Variants in KIAA0586 observed in about 807,000 individuals in gnomAD.
The protein encoded by KIAA0586 is KIAA0586.
In KIAA0586, 144 loss-of-function variants were observed where a neutral mutation model predicts 169.8. That is an observed-to-expected ratio of 0.85 (90% CI 0.74 to 0.97). The LOEUF (loss-of-function observed/expected upper bound fraction) is 0.97, where lower values mean the gene tolerates loss of function less well. Ranked by LOEUF, KIAA0586 falls within the 50% of genes least tolerant of loss-of-function variation. KIAA0586 has a pLI of 0.00. For synonymous variants in KIAA0586, 625 were observed against 612.4 expected (o/e 1.02, Z -0.30); for missense variants, 1,854 against 1,823.0 (o/e 1.02, Z -0.31).
At chr14:58,430,568 C>A in intron 2 of KIAA0586, 80 bp from the exon 3 acceptor site, 1 of 799,166 alleles carries the variant, frequency 1.3e-6, no homozygotes, top group South Asian at 1.7e-5. Context: ...ACACAGTAGT[C>A]ACATAGCTAG....
chr14:58,504,563 C>G (rs920953638), intron 27 of KIAA0586, among the ~76,000 whole-genome samples: 1 of 152,156 alleles, frequency 6.6e-6, no homozygotes, highest in South Asian at 2.1e-4. Flanking sequence ...TTAGTCTTCT[C>G]TAAAAGTCTG....
At chr14:58,506,098 A>G in intron 27 of KIAA0586, among the ~76,000 whole-genome samples, 1 of 152,146 alleles carries the variant, frequency 6.6e-6, no homozygotes, top group Non-Finnish European at 1.5e-5. Flanking sequence ...CATATACCAT[A>G]TATCAGCAAA....
rs1433622471 is a variant in KIAA0586 at position 58,547,690 on chromosome 14, C to A, written c.4496-91C>A. 4.6e-6 allele frequency: 5 copies of A among 1,075,674 alleles called. No individual in the cohort carries two copies. The East Asian group carries it at 1.2e-4, about 25-fold the overall frequency. 66.6% of individuals were successfully genotyped at this position (1,075,674 alleles called of 1,614,324 possible). On this transcript the variant is annotated intron_variant, in intron 30 of 30. Coordinates refer to ENST00000652326, the MANE Select transcript of KIAA0586 (RefSeq NM_001329943.3). Reference sequence around the variant, plus strand: ...ATCCTTATTTGGAATCCGCGCCCCCCCACCCCAACCTCATATTATTTCGCA... The same window carrying A: ...ATCCTTATTTGGAATCCGCGCCCCCACACCCCAACCTCATATTATTTCGCA...
chr14:58,450,695 A>G lies in KIAA0586; in HGVS notation c.1078A>G (p.Arg360Gly), dbSNP rs932782936. 6.2e-7 allele frequency: 1 copy of G among 1,609,560 alleles called. No individual in the cohort carries two copies. The highest frequency in any genetic ancestry group is 1.1e-5 in the South Asian group (1 of 90,986). Residue 360 changes from arginine to glycine, a missense_variant, in exon 8 of 31, where the codon AGG becomes GGG. By Grantham distance (125) the Arg-to-Gly change is moderately radical. Transcript: ENST00000652326. Reference protein sequence around the residue: ...PVSRDDELSKRENLLEEKENM... With the variant: ...PVSRDDELSKGENLLEEKENM... Reference sequence around the variant, plus strand: ...TTCAAGGGATGATGAACTATCAAAGAGGGAAAATCTTTTGGAAGAAAAAGA... The same window carrying G: ...TTCAAGGGATGATGAACTATCAAAGGGGGAAAATCTTTTGGAAGAAAAAGA...
At chr14:58,542,739 G>A (rs2046721748) in intron 30 of KIAA0586, among the ~76,000 whole-genome samples, 1 of 152,124 alleles carries the variant, frequency 6.6e-6, no homozygotes, top group African/African-American at 2.4e-5. Flanking sequence ...CTCTTAGATA[G>A]TGGCTTTCCA....
chr14:58,521,096 C>T, intron 29 of KIAA0586: 1 of 442,062 alleles, frequency 2.3e-6, no homozygotes, highest in South Asian at 2.4e-5. Context: ...CAGCAGTTGG[C>T]TTCTCCACAT....
downstream of KIAA0586, among the ~76,000 whole-genome samples, chr14:58,554,342 A>C (rs2047232439): frequency 6.6e-6 from 1 of 152,174 alleles, no homozygotes; most frequent in African/African-American, 2.4e-5. Context: ...TGCAACTTAA[A>C]AAACATTGAT....
intron 22 of KIAA0586, 71 bp downstream of exon 22, chr14:58,487,237 T>C: frequency 2.4e-6 from 3 of 1,274,804 alleles, no homozygotes; most frequent in Non-Finnish European, 3.3e-6. Flanking sequence ...GTATATGTAC[T>C]TGTTGCTTAC....
At chr14:58,491,280 GT>G (rs1010012090) in intron 25 of KIAA0586, among the ~76,000 whole-genome samples, 1 of 152,072 alleles carries the variant, frequency 6.6e-6, no homozygotes, top group Non-Finnish European at 1.5e-5. Context: ...AAATTCTAAT[GT>G]TGATATTTTT....
intron 30 of KIAA0586, among the ~76,000 whole-genome samples, chr14:58,545,592 T>C (rs986753293): frequency 4.6e-5 from 7 of 152,248 alleles, no homozygotes; most frequent in South Asian, 2.1e-4. Flanking sequence ...CCAGTGTTAG[T>C]TTTTACTTTA....
At chr14:58,513,448 T>G (rs1487515251) in intron 29 of KIAA0586, among the ~76,000 whole-genome samples, 16 of 152,060 alleles carry the variant, frequency 1.1e-4, no homozygotes. Context: ...CATTTGGTGT[T>G]TTGGGAAGGA....
intron 27 of KIAA0586, among the ~76,000 whole-genome samples, chr14:58,507,862 G>A (rs1486398679): frequency 6.6e-6 from 1 of 152,038 alleles, no homozygotes; most frequent in East Asian, 1.9e-4. Context: ...TCAGCTCAGT[G>A]CAACCTCCGC....
intron 9 of KIAA0586, among the ~76,000 whole-genome samples, chr14:58,454,218 G>A (rs1432403673): frequency 6.6e-6 from 1 of 151,970 alleles, no homozygotes; most frequent in Non-Finnish European, 1.5e-5. Flanking sequence ...GGTCACTCCA[G>A]GAATTACAAT....
At chr14:58,535,699 A>ATTTTTTTTT (rs3041108) in intron 29 of KIAA0586, among the ~76,000 whole-genome samples, 2 of 141,298 alleles carry the variant, frequency 1.4e-5, no homozygotes, top group Non-Finnish European at 3.1e-5. Flanking sequence ...AATTTATTGG[A>ATTTTTTTTT]TTTTTTTTTT....
At chr14:58,553,581 A>C (rs2047229592), downstream of KIAA0586, among the ~76,000 whole-genome samples, 1 of 151,782 alleles carries the variant, frequency 6.6e-6, no homozygotes, top group South Asian at 2.1e-4. Context: ...GCACTTACAA[A>C]GCTGTCTGCT....
intron 4 of KIAA0586, among the ~76,000 whole-genome samples, chr14:58,438,197 G>A (rs542342903): frequency 6.6e-6 from 1 of 151,994 alleles, no homozygotes. Context: ...TAATGGGAGG[G>A]TTATGTGCAT....
intron 13 of KIAA0586, 103 bp downstream of exon 13, chr14:58,460,173 T>G (rs1382167024): frequency 2.8e-5 from 19 of 690,254 alleles, no homozygotes; most frequent in South Asian, 2.6e-4. Context: ...TTTAAAAATA[T>G]GAAGGACTAT....
At chr14:58,494,076 G>A (rs1030164832) in intron 26 of KIAA0586, among the ~76,000 whole-genome samples, 1 of 151,700 alleles carries the variant, frequency 6.6e-6, no homozygotes, top group Non-Finnish European at 1.5e-5. Flanking sequence ...TAGATGCTGG[G>A]AAATTTATCT....
upstream of KIAA0586, chr14:58,427,615 A>G (rs2036924776): frequency 2.0e-6 from 3 of 1,535,630 alleles, no homozygotes; most frequent in Non-Finnish European, 2.6e-6. Context: ...GAGAGCGCTT[A>G]GCTTTCTGGT....
Sources: allele counts gnomAD v4.1 joint callset (sites outside exome capture counted in the v4.1 genomes callset), GRCh38; gene constraint gnomAD v4.1.1; transcripts MANE v1.5; gene names NCBI Gene and HGNC (gene_info 2026-07-23, HGNC 2026-07-21).